Variants in ABTB3 observed in about 807,000 individuals in gnomAD.
ABTB3 encodes the protein ankyrin repeat- and BTB/POZ domain-containing protein 3.
chr12:107,425,580 A>G, the ABTB3 span, among the ~76,000 whole-genome samples: 1 of 152,230 alleles, frequency 6.6e-6, no homozygotes, highest in Non-Finnish European at 1.5e-5. Flanking sequence ...TTTTGCCTCG[A>G]TTAAACAAAC....
chr12:107,376,416 T>C, the ABTB3 span, among the ~76,000 whole-genome samples: 148 of 152,314 alleles, frequency 9.7e-4, 4 homozygotes, highest in South Asian at 0.03. Flanking sequence ...CCTTGCTCCA[T>C]GTCTCTGGAT....
At chr12:107,647,048 G>T in the ABTB3 span, among the ~76,000 whole-genome samples, 33 of 152,254 alleles carry the variant, frequency 2.2e-4, no homozygotes, top group Middle Eastern at 3.4e-3. Flanking sequence ...GCAACTTTTG[G>T]CCAGGCATGG....
chr12:107,611,896 C>A, the ABTB3 span, among the ~76,000 whole-genome samples: 1 of 152,184 alleles, frequency 6.6e-6, no homozygotes, highest in South Asian at 2.1e-4. Flanking sequence ...GATAAATATG[C>A]CTCAATTCAT....
chr12:107,618,106 C>T, the ABTB3 span: 1 of 1,565,918 alleles, frequency 6.4e-7, no homozygotes, highest in Non-Finnish European at 8.7e-7. Flanking sequence ...CCTGCCCCAG[C>T]AGATCCACTT....
At chr12:107,451,563 T>G in the ABTB3 span, among the ~76,000 whole-genome samples, 15 of 152,334 alleles carry the variant, frequency 9.8e-5, no homozygotes, top group Admixed American at 4.6e-4. Flanking sequence ...GGTTTCCCAC[T>G]GACCTCGCGG....
the ABTB3 span, among the ~76,000 whole-genome samples, chr12:107,518,762 A>T: frequency 6.6e-6 from 1 of 152,210 alleles, no homozygotes; most frequent in Non-Finnish European, 1.5e-5. Context: ...AATAAAAAAT[A>T]AATAAATAAA....
chr12:107,459,674 G>A, the ABTB3 span, among the ~76,000 whole-genome samples: 1 of 152,222 alleles, frequency 6.6e-6, no homozygotes. Flanking sequence ...CGGGGTGCAG[G>A]CAAAGAGGCC....
the ABTB3 span, among the ~76,000 whole-genome samples, chr12:107,409,137 C>T: frequency 1.4e-4 from 22 of 152,172 alleles, no homozygotes; most frequent in African/African-American, 4.3e-4. Context: ...TGTTTCTCTC[C>T]GTCTCTCTTT....
chr12:107,457,734 G>A, the ABTB3 span, among the ~76,000 whole-genome samples: 1 of 152,216 alleles, frequency 6.6e-6, no homozygotes, highest in Non-Finnish European at 1.5e-5. Context: ...GCTGCCTGTT[G>A]CATGCCAAGG....
At chr12:107,319,542 G>A in the ABTB3 span, 1 of 1,552,962 alleles carries the variant, frequency 6.4e-7, no homozygotes, top group Non-Finnish European at 8.7e-7. Flanking sequence ...CGCCTGGGCC[G>A]CGGCAAGTCG....
the ABTB3 span, chr12:107,520,203 GC>G: frequency 3.0e-6 from 3 of 985,238 alleles, no homozygotes; most frequent in Admixed American, 1.2e-4. Flanking sequence ...ACCCTTCCAG[GC>G]CCGAGGAGAG....
the ABTB3 span, among the ~76,000 whole-genome samples, chr12:107,510,575 T>C: frequency 6.6e-6 from 1 of 151,800 alleles, no homozygotes; most frequent in Non-Finnish European, 1.5e-5. Flanking sequence ...AGTGAGGGGA[T>C]GGGAGAGCGA....
the ABTB3 span, among the ~76,000 whole-genome samples, chr12:107,489,852 T>C: frequency 5.3e-5 from 8 of 152,104 alleles, no homozygotes; most frequent in Non-Finnish European, 2.9e-5. Flanking sequence ...AGCCTTGAAC[T>C]CCTGGGCTCA....
chr12:107,545,494 C>T, the ABTB3 span, among the ~76,000 whole-genome samples: 3 of 152,154 alleles, frequency 2.0e-5, no homozygotes, highest in Non-Finnish European at 4.4e-5. Context: ...ATCCTCCTGC[C>T]TCATCCCTCA....
chr12:107,398,755 C>T, the ABTB3 span, among the ~76,000 whole-genome samples: 2 of 152,142 alleles, frequency 1.3e-5, no homozygotes, highest in Non-Finnish European at 2.9e-5. Context: ...AGTCCAAACT[C>T]ACACTACACA....
the ABTB3 span, among the ~76,000 whole-genome samples, chr12:107,577,317 G>C: frequency 2.0e-4 from 31 of 152,302 alleles, no homozygotes; most frequent in African/African-American, 7.2e-4. Context: ...ACGTTGATGG[G>C]CCAGAGGAGC....
chr12:107,463,286 T>A, the ABTB3 span, among the ~76,000 whole-genome samples: 4 of 151,456 alleles, frequency 2.6e-5, no homozygotes, highest in Non-Finnish European at 5.9e-5. Flanking sequence ...GTGACAGTGA[T>A]GATGATGGTG....
At chr12:107,542,776 G>A in the ABTB3 span, among the ~76,000 whole-genome samples, 2 of 152,140 alleles carry the variant, frequency 1.3e-5, no homozygotes, top group African/African-American at 4.8e-5. Flanking sequence ...CCATAAGTAA[G>A]CTTGAGAAAA....
At chr12:107,606,844 AC>A in the ABTB3 span, among the ~76,000 whole-genome samples, 1 of 152,132 alleles carries the variant, frequency 6.6e-6, no homozygotes, top group Non-Finnish European at 1.5e-5. Context: ...AAGGGTGCAG[AC>A]TTTTCACCAC....
Sources: gnomAD v4.1 joint callset for allele counts (sites outside exome capture counted in the v4.1 genomes callset) on GRCh38, gnomAD v4.1.1 for gene constraint, MANE v1.5 for transcripts, NCBI Gene and HGNC (gene_info 2026-07-23, HGNC 2026-07-21) for gene names.